Variants in KCNQ3 observed in about 807,000 individuals in gnomAD.
KCNQ3 encodes potassium voltage-gated channel subfamily KQT member 3.
In KCNQ3, 30 loss-of-function variants were observed where a neutral mutation model predicts 92.5. That is an observed-to-expected ratio of 0.32 (90% CI 0.24 to 0.44). The LOEUF is 0.44. KCNQ3 is among the 20% of genes least tolerant of loss of function. KCNQ3 has a pLI of 1.00. For synonymous variants in KCNQ3, 450 were observed against 468.8 expected, an observed-to-expected ratio of 0.96 and a Z score of 0.52; for missense variants, 913 against 1,140.3, an observed-to-expected ratio of 0.80 and a Z score of 2.87.
Position 132,327,561 on chromosome 8 carries a change from T to C in KCNQ3, c.387-141380A>G, listed in dbSNP as rs80294305. 5.4e-3 allele frequency among the ~76,000 whole-genome samples: 827 copies of C among 152,242 alleles called. 4 individuals carry two copies. Among genetic ancestry groups the C allele is most frequent in the South Asian group, 0.012 (60 of 4,826 alleles). ...TCTCATTCAGCTGTGCCCATCTGCA[T>C]AGGGGAAGGAATCTGCAAGACCAAG... On this transcript the variant is annotated intron_variant, in intron 1 of 14. Transcript: ENST00000388996.
intron 1 of KCNQ3, among the ~76,000 whole-genome samples, chr8:132,264,360 C>A (rs1815905679): frequency 6.6e-6 from 1 of 152,188 alleles, no homozygotes; most frequent in Non-Finnish European, 1.5e-5. Context: ...CACCAGCCCC[C>A]AGCTATCAGG....
At chr8:132,327,150 A>C (rs13267466) in intron 1 of KCNQ3, among the ~76,000 whole-genome samples, 19,964 of 152,270 alleles carry the variant, frequency 0.13, 1,681 homozygotes, top group East Asian at 0.23. Flanking sequence ...CTGAAAAATC[A>C]GAGGTGAATT....
intron 1 of KCNQ3, among the ~76,000 whole-genome samples, chr8:132,245,554 G>C (rs571568942): frequency 2.8e-4 from 43 of 152,170 alleles, no homozygotes; most frequent in Admixed American, 7.9e-4. Flanking sequence ...ACTTCTGAAA[G>C]TTTTAACCAC....
In KCNQ3 at chr8:132,205,486, A is replaced by G. The variant is rs534158563; in HGVS notation, c.387-19305T>C. ...AACAAACACTTACAGAGCACCTACT[A>G]TAGGCATTTATACAGCACTGTCTGT... On this transcript the variant is annotated intron_variant, in intron 1 of 14. Coordinates refer to ENST00000388996, the MANE Select transcript of KCNQ3 (RefSeq NM_004519.4). Among the ~76,000 whole-genome samples the G allele has an allele frequency of 2.7e-3, 406 of 152,334 alleles. 1 individual carries two copies. The highest frequency in any genetic ancestry group is 5.0e-3 in the Non-Finnish European group (339 of 68,032).
At position 132,333,022 on chromosome 8, in the gene KCNQ3, T is replaced by C. The variant is rs370850166; in HGVS notation, c.387-146841A>G. Among the ~76,000 whole-genome samples, 532 of 64,924 alleles carry C rather than the reference T, an allele frequency of 8.2e-3. 4 individuals are homozygous for C. The highest frequency in any genetic ancestry group is 0.02 in the African/African-American group (506 of 25,452). 42.6% of individuals were successfully genotyped at this position (64,924 alleles called of 152,430 possible). On this transcript the variant is annotated intron_variant, in intron 1 of 14. Transcript: ENST00000388996. ...TGAGAGGATGGATGAATGGATTGGA[T>C]GGATGGATGGATGGATGGATGGATG...
At position 132,212,626 on chromosome 8, in the gene KCNQ3, C is replaced by T. The variant is rs142584720; in HGVS notation, c.387-26445G>A. Among the ~76,000 whole-genome samples, 250 of 151,944 alleles carry T rather than the reference C, an allele frequency of 1.6e-3. 1 individual carries two copies. Among genetic ancestry groups the T allele is most frequent in the African/African-American group, 5.8e-3 (240 of 41,428 alleles). ...GGTCCATGTCAAGCAGAAGGCCTTC[C>T]CCATCTGTGTGTTCAGCCAGGTTCA... On this transcript the variant is annotated intron_variant, in intron 1 of 14. Transcript: ENST00000388996.
At chr8:132,386,329 T>C (rs957373893) in intron 1 of KCNQ3, among the ~76,000 whole-genome samples, 1 of 151,990 alleles carries the variant, frequency 6.6e-6, no homozygotes, top group Non-Finnish European at 1.5e-5. Flanking sequence ...TATAAAAATA[T>C]AAATTAAGAG....
At chr8:132,183,122 T>C (rs1826845422) in intron 3 of KCNQ3, among the ~76,000 whole-genome samples, 1 of 152,146 alleles carries the variant, frequency 6.6e-6, no homozygotes, top group Admixed American at 6.5e-5. Context: ...CGAAGGACTG[T>C]GTTCAGTCCT....
chr8:132,337,999 A>C (rs1393204638), intron 1 of KCNQ3, among the ~76,000 whole-genome samples: 3 of 152,204 alleles, frequency 2.0e-5, no homozygotes, highest in Non-Finnish European at 2.9e-5. Flanking sequence ...TTGGGGCTAC[A>C]TAGGGATGGG....
chr8:132,288,644 G>T (rs796410489), intron 1 of KCNQ3, among the ~76,000 whole-genome samples: 1 of 152,034 alleles, frequency 6.6e-6, no homozygotes, highest in Non-Finnish European at 1.5e-5. Flanking sequence ...TACTCCCAAA[G>T]CCATTTGTCC....
At chr8:132,279,111 A>AG (rs1223349627) in intron 1 of KCNQ3, among the ~76,000 whole-genome samples, 16 of 152,252 alleles carry the variant, frequency 1.1e-4, no homozygotes, top group Admixed American at 6.5e-4. Flanking sequence ...CCCACTACTC[A>AG]GGAGGCTCAG....
chr8:132,344,766 G>A lies in KCNQ3; in HGVS notation c.386+135381C>T, dbSNP rs555092523. On this transcript the variant is annotated intron_variant, in intron 1 of 14. Transcript: ENST00000388996. ...TTGGGTGAAGGCAACAGGTAAGGTCGAGGCCAGTGCAGAAGGAGTAATGGA... is the reference window on the plus strand; with the variant it reads ...TTGGGTGAAGGCAACAGGTAAGGTCAAGGCCAGTGCAGAAGGAGTAATGGA... Among the ~76,000 whole-genome samples the A allele has an allele frequency of 6.6e-5, 10 of 152,274 alleles. No homozygotes were observed. In the South Asian group the frequency reaches 1.5e-3, roughly 22 times the overall value.
chr8:132,232,469 G>A (rs1353981287), intron 1 of KCNQ3, among the ~76,000 whole-genome samples: 2 of 152,184 alleles, frequency 1.3e-5, no homozygotes, highest in Admixed American at 6.5e-5. Flanking sequence ...AATCTACTAT[G>A]CTCCTAGCTC....
At chr8:132,399,459 C>T (rs1820278918) in intron 1 of KCNQ3, among the ~76,000 whole-genome samples, 1 of 152,156 alleles carries the variant, frequency 6.6e-6, no homozygotes, top group Non-Finnish European at 1.5e-5. Context: ...CCATCCTGGC[C>T]TTTGGGAGTC....
At chr8:132,447,453 C>A (rs760309626) in intron 1 of KCNQ3, among the ~76,000 whole-genome samples, 1 of 151,400 alleles carries the variant, frequency 6.6e-6, no homozygotes, top group South Asian at 2.1e-4. Flanking sequence ...TGTGCGTGGG[C>A]CACACAGTGA....
chr8:132,332,813 GC>G (rs886833169), intron 1 of KCNQ3, among the ~76,000 whole-genome samples: 3 of 152,196 alleles, frequency 2.0e-5, no homozygotes, highest in African/African-American at 7.2e-5. Context: ...TCTGGAGCCT[GC>G]CCCCTCAGTC....
rs1826947671 is a variant in KCNQ3 at position 132,186,091 on chromosome 8, C to T, written c.477G>A (p.Leu159=). 1 of 1,610,090 alleles carries T rather than the reference C, an allele frequency of 6.2e-7. No individual in the cohort carries two copies. The highest frequency in any genetic ancestry group is 1.3e-5 in the African/African-American group (1 of 74,818). Residue 159 remains leucine, a splice_region_variant and synonymous_variant, in exon 2 of 15, where the codon CTG becomes CTA. Transcript: ENST00000388996. ...ETVSGDWLLL[L]ETFAIFIFGA... is the part of the protein sequence containing the mutation. ...CATTTACCCCAGAATGCAATCTTAC[C>T]AGTAACAGAAGCCAGTCTCCCGAGA...
At chr8:132,380,272 A>C (rs1819712559) in intron 1 of KCNQ3, among the ~76,000 whole-genome samples, 1 of 152,158 alleles carries the variant, frequency 6.6e-6, no homozygotes, top group African/African-American at 2.4e-5. Context: ...GCCAGTGAAG[A>C]CCAAAGTGTA....
chr8:132,459,211 G>A (rs995820338), intron 1 of KCNQ3, among the ~76,000 whole-genome samples: 2 of 152,180 alleles, frequency 1.3e-5, no homozygotes, highest in Admixed American at 6.5e-5. Flanking sequence ...CATGTCAAGG[G>A]TACATACTAT....
Sources: gnomAD v4.1 joint callset for allele counts (sites outside exome capture counted in the v4.1 genomes callset) on GRCh38, gnomAD v4.1.1 for gene constraint, MANE v1.5 for transcripts, NCBI Gene and HGNC (gene_info 2026-07-23, HGNC 2026-07-21) for gene names.